D2HGDH: variants seen among roughly 807,000 people sequenced by gnomAD.
D2HGDH encodes D-2-hydroxyglutarate dehydrogenase.
Under a neutral mutation model 46.9 loss-of-function variants are expected in D2HGDH, and 31 were observed. The observed-to-expected ratio is 0.66, with a 90% CI of 0.50 to 0.89. D2HGDH has a LOEUF of 0.89. Among genes scored for constraint, D2HGDH ranks in the 40% least tolerant of loss-of-function variants. D2HGDH has a pLI of 0.00. For missense variants in D2HGDH, 698 were observed against 720.8 expected (o/e 0.97, Z 0.36); for synonymous variants, 364 against 332.6 (o/e 1.09, Z -1.03).
chr2:241,758,589 C>T (rs1698414510), intron 9 of D2HGDH, among the ~76,000 whole-genome samples: 1 of 152,026 alleles, frequency 6.6e-6, no homozygotes, highest in African/African-American at 2.4e-5. Flanking sequence ...ACCTCACACA[C>T]ACCAGCAGGC....
chr2:241,737,715 ACT>A (rs1329371977), intron 2 of D2HGDH, among the ~76,000 whole-genome samples: 1 of 151,994 alleles, frequency 6.6e-6, no homozygotes, highest in Non-Finnish European at 1.5e-5. Context: ...ACATGGTGAA[ACT>A]CTATCTCTAC....
intron 2 of D2HGDH, among the ~76,000 whole-genome samples, chr2:241,739,725 C>T (rs1204635837): frequency 6.6e-6 from 1 of 152,258 alleles, no homozygotes; most frequent in Non-Finnish European, 1.5e-5. Context: ...AGGCATTCAG[C>T]AAATAAGGCG....
chr2:241,747,370 G>A (rs112239301), intron 6 of D2HGDH, among the ~76,000 whole-genome samples: 10,939 of 149,706 alleles, frequency 0.073, 554 homozygotes, highest in African/African-American at 0.14. Context: ...TGCCAAAGAC[G>A]AGGTACCTTC....
intron 9 of D2HGDH, among the ~76,000 whole-genome samples, chr2:241,762,856 C>T (rs1042947564): frequency 1.3e-5 from 2 of 152,192 alleles, no homozygotes; most frequent in African/African-American, 4.8e-5. Flanking sequence ...ACACATGACA[C>T]GTTTGTGTTC....
chr2:241,747,546 G>GT (rs760885558), intron 6 of D2HGDH, among the ~76,000 whole-genome samples: 1,650 of 136,626 alleles, frequency 0.012, 16 homozygotes, highest in Middle Eastern at 0.03. Context: ...TCAGGAGAGT[G>GT]TTTTTTTTTT....
At chr2:241,763,744 G>A (rs902966449) in intron 9 of D2HGDH, among the ~76,000 whole-genome samples, 1 of 152,152 alleles carries the variant, frequency 6.6e-6, no homozygotes, top group Non-Finnish European at 1.5e-5. Context: ...CACATACTTT[G>A]TGGACGCCAG....
At chr2:241,756,150 A>C in intron 9 of D2HGDH, 136 bp downstream of exon 9, 1 of 1,278,048 alleles carries the variant, frequency 7.8e-7, no homozygotes, top group Non-Finnish European at 1.0e-6. Flanking sequence ...AGACACTGGC[A>C]GGACCACGGT....
chr2:241,735,504 C>T lies in D2HGDH; in HGVS notation c.280C>T (p.Arg94Trp). ...ALQAPNVDWL[R>W]TLRGCSKVLL... ...GCAGGCTCCCAACGTGGACTGGTTG[C>T]GGACGCTGCGAGGTGGGTGAGGCTT... Residue 94 changes from arginine (R) to tryptophan (W), a missense_variant, in exon 2 of 10, where the codon CGG (arginine) becomes TGG (tryptophan). By Grantham distance (101) the Arg-to-Trp change is moderately radical. Coordinates refer to ENST00000321264, the MANE Select transcript of D2HGDH (RefSeq NM_152783.5). The T allele has an allele frequency of 1.2e-6, 2 of 1,606,662 alleles. No homozygotes were observed. The highest frequency in any genetic ancestry group is 1.7e-6 in the Non-Finnish European group (2 of 1,179,762).
intron 6 of D2HGDH, among the ~76,000 whole-genome samples, chr2:241,745,121 C>A (rs1331616465): frequency 6.6e-6 from 1 of 152,192 alleles, no homozygotes; most frequent in African/African-American, 2.4e-5. Flanking sequence ...CACTTCATTT[C>A]ATAAGAAAAC....
chr2:241,735,718 G>A (rs996910184), intron 2 of D2HGDH, among the ~76,000 whole-genome samples: 1 of 152,220 alleles, frequency 6.6e-6, no homozygotes. Context: ...TTTTGTTGTT[G>A]TTGTTGTTTT....
chr2:241,735,407 G>A lies in D2HGDH; in HGVS notation c.183G>A (p.Thr61=), dbSNP rs765381324. 1 of 1,603,608 alleles carries A rather than the reference G, an allele frequency of 6.2e-7. No homozygotes were observed. The highest frequency in any genetic ancestry group is 8.5e-7 in the Non-Finnish European group (1 of 1,177,554). The change falls in exon 2 of 10, where the codon ACG becomes ACA. Residue 61 remains threonine, a synonymous_variant. Coordinates refer to ENST00000321264, the MANE Select transcript of D2HGDH (RefSeq NM_152783.5). The part of the protein sequence containing the change: ...RYPVRRLPFS[T]VSKQDLAAFE... ...CCGTGCGGCGCTTGCCGTTCTCCAC[G>A]GTGTCTAAGCAGGACCTGGCCGCCT...
Position 241,735,184 on chromosome 2 carries a change from C to T in D2HGDH, c.-41C>T, listed in dbSNP as rs1483444611. On this transcript the variant is annotated 5_prime_UTR_variant, in exon 2 of 10. Transcript: ENST00000321264. ...TCCCCTCCGGGCCCTGAGTACCGGC[C>T]CCCCACCAAGGAGGAGCCCGAGGTC... 1.3e-6 allele frequency: 2 copies of T among 1,487,880 alleles called. No individual in the cohort carries two copies. Among genetic ancestry groups the T allele is most frequent in the Non-Finnish European group, 1.8e-6 (2 of 1,128,284 alleles). 92.2% of individuals were successfully genotyped at this position (1,487,880 alleles called of 1,614,324 possible).
intron 3 of D2HGDH, among the ~76,000 whole-genome samples, chr2:241,741,777 G>A (rs1294380901): frequency 1.4e-5 from 2 of 145,464 alleles, no homozygotes; most frequent in Non-Finnish European, 3.0e-5. Flanking sequence ...GGGACTTGCT[G>A]TCTCCAGGGT....
intron 5 of D2HGDH, among the ~76,000 whole-genome samples, chr2:241,744,142 G>A (rs1039020606): frequency 2.0e-5 from 3 of 152,156 alleles, no homozygotes; most frequent in African/African-American, 7.2e-5. Flanking sequence ...GGTCAGCTTC[G>A]TGACCTTCTG....
At chr2:241,751,907 C>T (rs1697273501) in intron 8 of D2HGDH, among the ~76,000 whole-genome samples, 3 of 132,856 alleles carry the variant, frequency 2.3e-5, no homozygotes, top group South Asian at 2.5e-4. Context: ...CCTCGGTCAC[C>T]GTCACCGGGG....
In D2HGDH at chr2:241,767,883, G is replaced by A. The variant is rs1021760471; in HGVS notation, c.1480G>A (p.Ala494Thr). 1 of 1,608,288 alleles carries A rather than the reference G, an allele frequency of 6.2e-7. No homozygotes were observed. Among genetic ancestry groups the A allele is most frequent in the Non-Finnish European group, 8.5e-7 (1 of 1,177,822 alleles). ...DVLGYSKPPG[A>T]LQLMQQLKAL... Reference sequence around the variant, plus strand: ...CCTGGGCTACAGCAAGCCACCGGGGGCCCTGCAGCTCATGCAGCAGCTCAA... The same window carrying A: ...CCTGGGCTACAGCAAGCCACCGGGGACCCTGCAGCTCATGCAGCAGCTCAA... The change falls in exon 10 of 10, where the codon GCC (alanine) becomes ACC (threonine). Residue 494 changes from alanine to threonine, a missense_variant. Ala to Thr is a moderately conservative substitution (Grantham distance 58). Coordinates refer to ENST00000321264, the MANE Select transcript of D2HGDH (RefSeq NM_152783.5).
Position 241,744,835 on chromosome 2 carries a change from TTGTGTCCACCC to T in D2HGDH, c.812_822del (p.Leu271Ter). On this transcript the variant is annotated frameshift_variant, in exon 6 of 10. Coordinates refer to ENST00000321264, the MANE Select transcript of D2HGDH (RefSeq NM_152783.5). LOFTEE classifies it high-confidence loss of function. ...GGGGATCATCACCACGGTGTCCATC[TTGTGTCCACCC>T]AAGCCCAGGGCTGTGAACGTGGCTT... 6.2e-7 allele frequency: 1 copy of T among 1,614,064 alleles called. No homozygotes were observed. The highest frequency in any genetic ancestry group is 8.5e-7 in the Non-Finnish European group (1 of 1,179,990).
At chr2:241,767,665 G>A (rs1476951405) in intron 9 of D2HGDH, 45 bp from the exon 10 acceptor site, 1 of 1,611,220 alleles carries the variant, frequency 6.2e-7, no homozygotes, top group East Asian at 2.2e-5. Flanking sequence ...TGGGGTCCTG[G>A]GGGCTGCCCT....
In D2HGDH at chr2:241,750,259, TC is replaced by T. The variant is rs1186389284; in HGVS notation, c.963del (p.Arg323AlafsTer45). 1.4e-5 allele frequency: 22 copies of T among 1,613,826 alleles called. No individual in the cohort carries two copies. The highest frequency in any genetic ancestry group is 1.9e-5 in the Non-Finnish European group (22 of 1,180,026). Reference sequence around the variant, plus strand: ...ATGGATGCTGTGTGCATGCAGCTGGTCGGGCGCCATCTCCACCTGGCCAGCC... The same window carrying T: ...ATGGATGCTGTGTGCATGCAGCTGGTGGGCGCCATCTCCACCTGGCCAGCC... ...EFMDAVCMQL[V>X]GRHLHLASPV... On this transcript the variant is annotated frameshift_variant, in exon 7 of 10. Transcript: ENST00000321264. LOFTEE classifies it high-confidence loss of function.
Sources: allele counts gnomAD v4.1 joint callset (sites outside exome capture counted in the v4.1 genomes callset), GRCh38; gene constraint gnomAD v4.1.1; transcripts MANE v1.5; gene names NCBI Gene and HGNC (gene_info 2026-07-23, HGNC 2026-07-21).